Variants in SPOCK3 observed in about 807,000 individuals in gnomAD.
The protein encoded by SPOCK3 is testican-3.
In SPOCK3, 30 loss-of-function variants were observed where a neutral mutation model predicts 56.6. The ratio of observed to expected loss-of-function variants is 0.53; its 90% CI spans 0.40 to 0.72. The LOEUF is 0.72. Ranked by LOEUF, SPOCK3 falls within the 30% of genes least tolerant of loss-of-function variation. The pLI is 0.00. For missense variants in SPOCK3, 527 were observed against 530.0 expected (o/e 0.99, Z 0.06); for synonymous variants, 196 against 183.3 (o/e 1.07, Z -0.56).
intron 2 of SPOCK3, among the ~76,000 whole-genome samples, chr4:167,067,099 T>C (rs908484658): frequency 3.3e-5 from 5 of 151,958 alleles, no homozygotes; most frequent in African/African-American, 1.2e-4. Context: ...TAGGAGATCT[T>C]GATGCCCAAA....
At chr4:167,164,779 T>C (rs531999370) in intron 2 of SPOCK3, among the ~76,000 whole-genome samples, 25 of 152,330 alleles carry the variant, frequency 1.6e-4, no homozygotes, top group African/African-American at 5.5e-4. Context: ...TTATCCTTTT[T>C]TATGGCTACA....
chr4:166,782,855 GAGAA>G (rs545482965), intron 7 of SPOCK3, among the ~76,000 whole-genome samples: 47 of 152,214 alleles, frequency 3.1e-4, no homozygotes, highest in African/African-American at 1.1e-3. Context: ...GTATTTTTGT[GAGAA>G]AGACTTTCTT....
At chr4:167,149,251 A>G (rs752201830) in intron 2 of SPOCK3, among the ~76,000 whole-genome samples, 15 of 152,142 alleles carry the variant, frequency 9.9e-5, no homozygotes, top group Non-Finnish European at 1.9e-4. Context: ...AAAATTTCCT[A>G]TGTACTGAGA....
At chr4:167,161,224 G>A (rs1252443538) in intron 2 of SPOCK3, among the ~76,000 whole-genome samples, 1 of 152,150 alleles carries the variant, frequency 6.6e-6, no homozygotes, top group Non-Finnish European at 1.5e-5. Context: ...TAACAAGTGG[G>A]CGAAGGATAT....
chr4:166,835,184 T>C (rs2126807824), intron 6 of SPOCK3, among the ~76,000 whole-genome samples: 1 of 152,258 alleles, frequency 6.6e-6, no homozygotes, highest in East Asian at 1.9e-4. Context: ...TAATTGGCTA[T>C]ACTGACTTAT....
chr4:166,748,436 T>C lies in SPOCK3; in HGVS notation c.931+6072A>G, dbSNP rs1158060390. On this transcript the variant is annotated intron_variant, in intron 8 of 10. Transcript: ENST00000357545. Reference sequence around the variant, plus strand: ...GCTGGGAAAACTGGCTAGCCATATGTACAAAGCTGAAACTGGATGCCTTCC... The same window carrying C: ...GCTGGGAAAACTGGCTAGCCATATGCACAAAGCTGAAACTGGATGCCTTCC... Among the ~76,000 whole-genome samples the C allele has an allele frequency of 1.5e-5, 2 of 136,760 alleles. 1 individual carries two copies. Among genetic ancestry groups the C allele is most frequent in the Non-Finnish European group, 3.1e-5 (2 of 64,632 alleles). 89.7% of individuals were successfully genotyped at this position (136,760 alleles called of 152,430 possible). A position where few individuals can be genotyped will look rare whatever the true frequency, so the allele number is the denominator to read the frequency against.
intron 6 of SPOCK3, among the ~76,000 whole-genome samples, chr4:166,857,007 C>A (rs757764370): frequency 1.3e-5 from 2 of 152,094 alleles, no homozygotes; most frequent in African/African-American, 4.8e-5. Context: ...ATCTGCTGCA[C>A]TAACCAAATA....
intron 6 of SPOCK3, among the ~76,000 whole-genome samples, chr4:166,862,929 C>T (rs1017156470): frequency 1.3e-5 from 2 of 151,874 alleles, no homozygotes; most frequent in Non-Finnish European, 2.9e-5. Context: ...AGATAATCCT[C>T]AAGAAGAACA....
intron 2 of SPOCK3, among the ~76,000 whole-genome samples, chr4:167,118,062 G>A (rs1761576881): frequency 6.6e-6 from 1 of 152,048 alleles, no homozygotes; most frequent in Non-Finnish European, 1.5e-5. Context: ...GATCCTTTTG[G>A]TCAAACCAAC....
chr4:166,843,165 C>A (rs1685017986), intron 6 of SPOCK3, among the ~76,000 whole-genome samples: 1 of 152,172 alleles, frequency 6.6e-6, no homozygotes, highest in South Asian at 2.1e-4. Flanking sequence ...CCGCGAGTTC[C>A]TCTCCCTCCA....
intron 6 of SPOCK3, among the ~76,000 whole-genome samples, chr4:166,877,864 T>G (rs1246197870): frequency 4.6e-5 from 7 of 152,200 alleles, no homozygotes; most frequent in Non-Finnish European, 1.0e-4. Flanking sequence ...GGTATAAATA[T>G]ACTTTACAAG....
chr4:167,142,075 A>G (rs954153719), intron 2 of SPOCK3, among the ~76,000 whole-genome samples: 2 of 152,062 alleles, frequency 1.3e-5, no homozygotes, highest in Non-Finnish European at 2.9e-5. Flanking sequence ...AATCTAGAAT[A>G]TACTTTATTG....
At chr4:167,123,136 G>A (rs1405774677) in intron 2 of SPOCK3, among the ~76,000 whole-genome samples, 1 of 151,906 alleles carries the variant, frequency 6.6e-6, no homozygotes, top group African/African-American at 2.4e-5. Context: ...ATAACATTGA[G>A]TGAGGCAAAT....
chr4:166,918,635 CA>C (rs1193874885), intron 4 of SPOCK3, among the ~76,000 whole-genome samples: 4 of 144,910 alleles, frequency 2.8e-5, no homozygotes, highest in South Asian at 2.3e-4. Flanking sequence ...CAGAAATTCA[CA>C]AAAAAACAAT....
chr4:166,908,105 G>T (rs1736822755), intron 5 of SPOCK3, among the ~76,000 whole-genome samples: 1 of 151,856 alleles, frequency 6.6e-6, no homozygotes, highest in Non-Finnish European at 1.5e-5. Context: ...TCATATAGTT[G>T]CTAGAATTAA....
chr4:166,814,182 A>T lies in SPOCK3; in HGVS notation c.590-21893T>A, dbSNP rs537473098. Among the ~76,000 whole-genome samples, 10 of 152,208 alleles carry T rather than the reference A, an allele frequency of 6.6e-5. No individual in the cohort carries two copies. In the South Asian group the frequency reaches 2.1e-3, roughly 32 times the overall value. ...CTCATCAAACAACGGCAATTTTGTG[A>T]AAGTTTCAGTGAGAAATCGTTAGGC... On this transcript the variant is annotated intron_variant, in intron 6 of 10. Coordinates refer to ENST00000357545, the MANE Select transcript of SPOCK3 (RefSeq NM_001040159.2).
At chr4:167,085,207 A>C (rs1360216630) in intron 2 of SPOCK3, among the ~76,000 whole-genome samples, 2 of 151,614 alleles carry the variant, frequency 1.3e-5, no homozygotes, top group Non-Finnish European at 1.5e-5. Flanking sequence ...TCCTTTGAGG[A>C]ATGACTATAG....
chr4:166,743,223 T>C (rs982831382), intron 8 of SPOCK3, among the ~76,000 whole-genome samples: 1 of 152,100 alleles, frequency 6.6e-6, no homozygotes, highest in Non-Finnish European at 1.5e-5. Flanking sequence ...TAGAAAATAG[T>C]AAAACTGCAA....
At chr4:166,989,804 T>C (rs1363056468) in intron 4 of SPOCK3, among the ~76,000 whole-genome samples, 3 of 152,184 alleles carry the variant, frequency 2.0e-5, no homozygotes, top group Non-Finnish European at 4.4e-5. Flanking sequence ...AAGTTCAGTG[T>C]CTTAATACAA....
Sources: gnomAD v4.1 joint callset for allele counts (sites outside exome capture counted in the v4.1 genomes callset) on GRCh38, gnomAD v4.1.1 for gene constraint, MANE v1.5 for transcripts, NCBI Gene and HGNC (gene_info 2026-07-23, HGNC 2026-07-21) for gene names.